ATP8A2: variants seen among roughly 807,000 people sequenced by gnomAD.
ATP8A2 encodes ATPase phospholipid transporting 8A2, also known as phospholipid-transporting ATPase IB.
In ATP8A2, 100 loss-of-function variants were observed where a neutral mutation model predicts 165.6. The ratio of observed to expected loss-of-function variants is 0.60; its 90% CI spans 0.51 to 0.71. ATP8A2 has a LOEUF of 0.71. ATP8A2 is among the 30% of genes least tolerant of loss of function. ATP8A2 has a pLI of 0.00. For missense variants in ATP8A2, 1,227 were observed against 1,479.5 expected, an observed-to-expected ratio of 0.83 and a Z score of 2.80; for synonymous variants, 543 against 548.8, an observed-to-expected ratio of 0.99 and a Z score of 0.15.
intron 30 of ATP8A2, among the ~76,000 whole-genome samples, chr13:25,855,451 C>G (rs747884063): frequency 1.3e-5 from 2 of 152,162 alleles, no homozygotes; most frequent in African/African-American, 4.8e-5. Context: ...TGTATCAGTA[C>G]TTCATTCCTT....
At chr13:25,686,957 G>A (rs145461678) in intron 24 of ATP8A2, among the ~76,000 whole-genome samples, 1 of 152,124 alleles carries the variant, frequency 6.6e-6, no homozygotes, top group Non-Finnish European at 1.5e-5. Flanking sequence ...TTGGAGTTTT[G>A]TGCACAGCTG....
chr13:25,957,333 A>G (rs1416694588), intron 33 of ATP8A2, among the ~76,000 whole-genome samples: 1 of 152,246 alleles, frequency 6.6e-6, no homozygotes, highest in Non-Finnish European at 1.5e-5. Flanking sequence ...CAGGCGACCT[A>G]CAGAATGGGA....
At chr13:25,482,103 G>A (rs1004083439) in intron 2 of ATP8A2, among the ~76,000 whole-genome samples, 8 of 152,118 alleles carry the variant, frequency 5.3e-5, no homozygotes, top group African/African-American at 1.9e-4. Flanking sequence ...TGTTCCTGAA[G>A]CTTATTTTTT....
intron 27 of ATP8A2, among the ~76,000 whole-genome samples, chr13:25,799,404 C>T (rs865947344): frequency 2.2e-4 from 34 of 152,068 alleles, no homozygotes; most frequent in African/African-American, 7.5e-4. Context: ...TTTTAGGTTC[C>T]CTTAAATCAA....
intron 27 of ATP8A2, among the ~76,000 whole-genome samples, chr13:25,815,446 C>T (rs1950988325): frequency 6.6e-6 from 1 of 152,180 alleles, no homozygotes; most frequent in Non-Finnish European, 1.5e-5. Context: ...AGGTGCTCAG[C>T]ATCACTGATG....
chr13:25,560,261 G>A (rs2039102829), intron 15 of ATP8A2, among the ~76,000 whole-genome samples: 1 of 152,046 alleles, frequency 6.6e-6, no homozygotes, highest in African/African-American at 2.4e-5. Flanking sequence ...GATACTATAG[G>A]ACTTTTAACA....
At chr13:25,871,998 A>T (rs546724041) in intron 33 of ATP8A2, among the ~76,000 whole-genome samples, 1 of 152,110 alleles carries the variant, frequency 6.6e-6, no homozygotes, top group Non-Finnish European at 1.5e-5. Context: ...TCTCTCATGC[A>T]GGGTACAGTG....
chr13:25,756,974 G>A (rs1239184620), intron 25 of ATP8A2, among the ~76,000 whole-genome samples: 1 of 152,184 alleles, frequency 6.6e-6, no homozygotes, highest in Non-Finnish European at 1.5e-5. Flanking sequence ...CCCATCCCTT[G>A]AATCCTGCTC....
At chr13:25,666,092 A>G (rs1171027118) in intron 24 of ATP8A2, among the ~76,000 whole-genome samples, 4 of 151,978 alleles carry the variant, frequency 2.6e-5, no homozygotes, top group Non-Finnish European at 5.9e-5. Context: ...CATGTATTCA[A>G]GTATTGTCAT....
intron 33 of ATP8A2, among the ~76,000 whole-genome samples, chr13:25,869,448 T>C (rs1191442595): frequency 1.3e-5 from 2 of 152,236 alleles, no homozygotes; most frequent in African/African-American, 4.8e-5. Context: ...ATTTCTTTCT[T>C]ATTTAGTGCA....
rs367553950 is a variant in ATP8A2 at position 25,789,701 on chromosome 13, A to G, written c.2679+14742A>G. 3.9e-5 allele frequency among the ~76,000 whole-genome samples: 6 copies of G among 152,264 alleles called. No homozygotes were observed. The East Asian group carries it at 5.8e-4, about 15-fold the overall frequency. On this transcript the variant is annotated intron_variant, in intron 27 of 36. Transcript: ENST00000381655. The stretch of plus-strand genomic sequence containing the variant: ...CTATTCCTGTCAAACGACAAGTGAC[A>G]TTCTTCATAGTACTAGAAAAAACTT...
chr13:25,751,002 C>T (rs926415850), intron 25 of ATP8A2, among the ~76,000 whole-genome samples: 4 of 152,084 alleles, frequency 2.6e-5, no homozygotes, highest in East Asian at 1.9e-4. Flanking sequence ...CAAAGGCGCC[C>T]GTGGGCTCAC....
At chr13:25,441,772 A>C (rs919526383) in intron 1 of ATP8A2, among the ~76,000 whole-genome samples, 1 of 152,130 alleles carries the variant, frequency 6.6e-6, no homozygotes, top group Non-Finnish European at 1.5e-5. Flanking sequence ...AGAATTTACT[A>C]TCTCATCATT....
intron 27 of ATP8A2, among the ~76,000 whole-genome samples, chr13:25,789,557 C>G (rs2045114472): frequency 6.6e-6 from 1 of 152,090 alleles, no homozygotes; most frequent in Admixed American, 6.6e-5. Flanking sequence ...GTGAGAAATA[C>G]AAAACGCTGC....
chr13:25,552,098 T>C (rs574363405), intron 11 of ATP8A2, among the ~76,000 whole-genome samples: 1 of 152,232 alleles, frequency 6.6e-6, no homozygotes, highest in Admixed American at 6.5e-5. Context: ...GCAATTCTCC[T>C]GCCTCAGCCT....
intron 27 of ATP8A2, among the ~76,000 whole-genome samples, chr13:25,800,952 G>C (rs758951657): frequency 6.6e-6 from 1 of 152,144 alleles, no homozygotes; most frequent in Non-Finnish European, 1.5e-5. Context: ...TCAGGGTCGA[G>C]AATTTCTGAG....
At chr13:25,495,927 G>T (rs2036664139) in intron 2 of ATP8A2, among the ~76,000 whole-genome samples, 1 of 152,070 alleles carries the variant, frequency 6.6e-6, no homozygotes, top group African/African-American at 2.4e-5. Flanking sequence ...AAAGAGAACA[G>T]GATTCTTGCT....
chr13:25,420,427 G>A, intron 1 of ATP8A2, among the ~76,000 whole-genome samples: 1 of 152,214 alleles, frequency 6.6e-6, no homozygotes, highest in Non-Finnish European at 1.5e-5. Flanking sequence ...TCCCTGGTTA[G>A]CATTTTAAAA....
chr13:25,906,260 C>T (rs1320315323), intron 33 of ATP8A2, among the ~76,000 whole-genome samples: 1 of 127,950 alleles, frequency 7.8e-6, no homozygotes, highest in African/African-American at 2.9e-5. Context: ...TCCCCGCCCC[C>T]CGCCCAATCC....
Sources: gnomAD v4.1 joint callset for allele counts (sites outside exome capture counted in the v4.1 genomes callset) on GRCh38, gnomAD v4.1.1 for gene constraint, MANE v1.5 for transcripts, NCBI Gene and HGNC (gene_info 2026-07-23, HGNC 2026-07-21) for gene names.